Variants in SPMAP2L observed in about 807,000 individuals in gnomAD.
The protein encoded by SPMAP2L is sperm microtubule associated protein 2 like.
At chr4:56,594,336 T>G in the SPMAP2L span, 12 of 1,527,820 alleles carry the variant, frequency 7.9e-6, no homozygotes, top group Admixed American at 1.7e-5. Flanking sequence ...TCCTGCACCA[T>G]GAAACTGAAC....
the SPMAP2L span, chr4:56,593,530 G>T: frequency 6.3e-7 from 1 of 1,599,344 alleles, no homozygotes; most frequent in Non-Finnish European, 8.6e-7. Flanking sequence ...GGCCTGCTGT[G>T]TGTGCTACTG....
At chr4:56,596,651 G>A in the SPMAP2L span, 2 of 1,496,146 alleles carry the variant, frequency 1.3e-6, no homozygotes, top group Non-Finnish European at 1.8e-6. Flanking sequence ...CGCTACCTTG[G>A]TATCCTTCAG....
At chr4:56,607,860 G>A in the SPMAP2L span, among the ~76,000 whole-genome samples, 1 of 151,938 alleles carries the variant, frequency 6.6e-6, no homozygotes, top group Non-Finnish European at 1.5e-5. Flanking sequence ...AGCCAAGCAT[G>A]GTGGTGCTTG....
At chr4:56,532,303 C>T in the SPMAP2L span, among the ~76,000 whole-genome samples, 2 of 151,952 alleles carry the variant, frequency 1.3e-5, no homozygotes, top group East Asian at 3.9e-4. Flanking sequence ...TACAATGGAT[C>T]TATTGCTTTA....
At chr4:56,565,954 T>G in the SPMAP2L span, among the ~76,000 whole-genome samples, 3 of 152,158 alleles carry the variant, frequency 2.0e-5, no homozygotes, top group African/African-American at 7.2e-5. Context: ...TGACATATAT[T>G]TTTTATCCAT....
the SPMAP2L span, chr4:56,600,945 T>G: frequency 2.6e-6 from 4 of 1,533,986 alleles, no homozygotes; most frequent in Admixed American, 5.9e-5. Context: ...TACCTCCTGC[T>G]GCCATGATAG....
the SPMAP2L span, among the ~76,000 whole-genome samples, chr4:56,608,854 T>A: frequency 6.6e-6 from 1 of 152,120 alleles, no homozygotes; most frequent in Non-Finnish European, 1.5e-5. Flanking sequence ...CCCACCTGGG[T>A]GAACCTTAGT....
chr4:56,593,907 T>C, the SPMAP2L span: 1 of 1,609,876 alleles, frequency 6.2e-7, no homozygotes, highest in Non-Finnish European at 8.5e-7. Flanking sequence ...GCCACTTTGA[T>C]TTTGCCAGAA....
the SPMAP2L span, among the ~76,000 whole-genome samples, chr4:56,550,143 T>C: frequency 8.5e-5 from 13 of 152,184 alleles, no homozygotes; most frequent in African/African-American, 2.7e-4. Flanking sequence ...TATTTTATGT[T>C]TTAATATTTA....
chr4:56,569,015 C>G, the SPMAP2L span, among the ~76,000 whole-genome samples: 1 of 152,162 alleles, frequency 6.6e-6, no homozygotes, highest in Non-Finnish European at 1.5e-5. Flanking sequence ...GCTAAGCAAT[C>G]TTTAATTGTA....
the SPMAP2L span, among the ~76,000 whole-genome samples, chr4:56,616,980 G>A: frequency 6.6e-6 from 1 of 152,090 alleles, no homozygotes; most frequent in Admixed American, 6.6e-5. Flanking sequence ...AGTAGTCCCT[G>A]CTTGTCCACA....
At chr4:56,550,381 A>C in the SPMAP2L span, among the ~76,000 whole-genome samples, 3 of 152,184 alleles carry the variant, frequency 2.0e-5, no homozygotes, top group Non-Finnish European at 4.4e-5. Context: ...GTTAAAAAAA[A>C]ATAGGTTTTC....
chr4:56,544,840 C>T, the SPMAP2L span, among the ~76,000 whole-genome samples: 1 of 152,232 alleles, frequency 6.6e-6, no homozygotes, highest in Non-Finnish European at 1.5e-5. Flanking sequence ...ACTACGTCAT[C>T]CTCTGCAACA....
At chr4:56,593,297 A>AGAG in the SPMAP2L span, 76 of 1,180,256 alleles carry the variant, frequency 6.4e-5, no homozygotes, top group African/African-American at 1.0e-3. Context: ...TACAGACACA[A>AGAG]GAGGAGGAAA....
At chr4:56,578,172 A>T in the SPMAP2L span, among the ~76,000 whole-genome samples, 1 of 152,322 alleles carries the variant, frequency 6.6e-6, no homozygotes, top group Admixed American at 6.5e-5. Flanking sequence ...CTAAAGCAAT[A>T]ATTATAAATT....
the SPMAP2L span, among the ~76,000 whole-genome samples, chr4:56,537,840 C>G: frequency 6.6e-6 from 1 of 150,376 alleles, no homozygotes; most frequent in African/African-American, 2.4e-5. Flanking sequence ...CTACAGGTGC[C>G]CGCCACCACG....
chr4:56,539,665 G>T, the SPMAP2L span, among the ~76,000 whole-genome samples: 4 of 152,042 alleles, frequency 2.6e-5, no homozygotes, highest in African/African-American at 7.2e-5. Context: ...CAAGTGATCT[G>T]CCTGCCTCAG....
At chr4:56,622,618 T>TA in the SPMAP2L span, among the ~76,000 whole-genome samples, 1 of 152,324 alleles carries the variant, frequency 6.6e-6, no homozygotes. Context: ...TCTGAGAACA[T>TA]ACAGGTTTTG....
chr4:56,615,029 A>T, the SPMAP2L span, among the ~76,000 whole-genome samples: 1 of 152,240 alleles, frequency 6.6e-6, no homozygotes, highest in Non-Finnish European at 1.5e-5. Context: ...AGCACAATAC[A>T]TCCTTATGCT....
Sources: gnomAD v4.1 joint callset for allele counts (sites outside exome capture counted in the v4.1 genomes callset) on GRCh38, gnomAD v4.1.1 for gene constraint, MANE v1.5 for transcripts, NCBI Gene and HGNC (gene_info 2026-07-23, HGNC 2026-07-21) for gene names.